Variants in PRKCB observed in about 807,000 individuals in gnomAD.
PRKCB encodes protein kinase C beta, also known as protein kinase C beta type.
A neutral mutation model predicts 81.5 loss-of-function variants in PRKCB; 13 were observed. The ratio of observed to expected loss-of-function variants is 0.16; its 90% CI spans 0.10 to 0.25. The LOEUF is 0.25. PRKCB is among the 10% of genes least tolerant of loss of function. The pLI, the probability that PRKCB is intolerant of heterozygous loss-of-function variation, is 1.00. For missense variants in PRKCB, 509 were observed against 875.7 expected, an observed-to-expected ratio of 0.58 and a Z score of 5.29; for synonymous variants, 335 against 321.4, an observed-to-expected ratio of 1.04 and a Z score of -0.45.
intron 2 of PRKCB, among the ~76,000 whole-genome samples, chr16:23,871,449 C>T (rs1962902711): frequency 6.6e-6 from 1 of 152,122 alleles, no homozygotes; most frequent in Non-Finnish European, 1.5e-5. Context: ...CCCCCTCTGT[C>T]TCTCTTCCCC....
chr16:23,975,874 A>T (rs773474059), intron 2 of PRKCB, among the ~76,000 whole-genome samples: 2 of 152,236 alleles, frequency 1.3e-5, no homozygotes, highest in Non-Finnish European at 2.9e-5. Context: ...AAAAAAAACA[A>T]TTCAAGTTGG....
At chr16:24,132,017 T>G (rs2141936068) in intron 9 of PRKCB, among the ~76,000 whole-genome samples, 1 of 152,356 alleles carries the variant, frequency 6.6e-6, no homozygotes, top group Non-Finnish European at 1.5e-5. Flanking sequence ...TGCGCAACAC[T>G]GCCTGTATCC....
At chr16:23,836,695 C>G (rs1280428968) in intron 1 of PRKCB, among the ~76,000 whole-genome samples, 1 of 151,696 alleles carries the variant, frequency 6.6e-6, no homozygotes, top group African/African-American at 2.4e-5. Context: ...CTCGGGTGCT[C>G]TCCGACCCGG....
At chr16:24,115,258 C>T (rs1289456436) in intron 8 of PRKCB, among the ~76,000 whole-genome samples, 2 of 146,240 alleles carry the variant, frequency 1.4e-5, no homozygotes, top group African/African-American at 2.4e-5. Context: ...GAGTATTTAT[C>T]CCAAGGATTT....
At chr16:24,022,958 T>A (rs931921480) in intron 3 of PRKCB, among the ~76,000 whole-genome samples, 7 of 152,176 alleles carry the variant, frequency 4.6e-5, no homozygotes, top group African/African-American at 1.4e-4. Flanking sequence ...AGGCCAGGGA[T>A]GGGACAGGCT....
chr16:24,065,351 A>T (rs1966020034), intron 5 of PRKCB, among the ~76,000 whole-genome samples: 1 of 151,664 alleles, frequency 6.6e-6, no homozygotes, highest in South Asian at 2.1e-4. Flanking sequence ...CTATTAACTA[A>T]TTAGTCATGT....
At chr16:24,079,005 C>A (rs1469161552) in intron 5 of PRKCB, among the ~76,000 whole-genome samples, 1 of 152,206 alleles carries the variant, frequency 6.6e-6, no homozygotes, top group Non-Finnish European at 1.5e-5. Context: ...ATCATATCCC[C>A]TGTGACCTGC....
At position 24,129,552 on chromosome 16, in the gene PRKCB, T is replaced by C. The variant is rs544630480; in HGVS notation, c.1065+5571T>C. On this transcript the variant is annotated intron_variant, in intron 9 of 16. Transcript: ENST00000643927. ...CTATCTATCTATCTATCTATCCATC[T>C]GTCTATCTAATCTATCATCTATCTA... 1.6e-3 allele frequency among the ~76,000 whole-genome samples: 243 copies of C among 150,912 alleles called. 1 individual carries two copies. The highest frequency in any genetic ancestry group is 5.6e-3 in the African/African-American group (229 of 41,042).
chr16:24,111,474 A>T (rs963162056), intron 7 of PRKCB, among the ~76,000 whole-genome samples: 1 of 151,976 alleles, frequency 6.6e-6, no homozygotes, highest in Non-Finnish European at 1.5e-5. Flanking sequence ...AAACAAACTG[A>T]AGCCCCCATG....
chr16:23,912,029 G>A (rs1185938181), intron 2 of PRKCB, among the ~76,000 whole-genome samples: 1 of 151,152 alleles, frequency 6.6e-6, no homozygotes, highest in Non-Finnish European at 1.5e-5. Context: ...ACGGAGTTTT[G>A]CCATGTTAGC....
rs75636143 is a variant in PRKCB at position 23,957,353 on chromosome 16, A to G, written c.206-31155A>G. On this transcript the variant is annotated intron_variant, in intron 2 of 16. Coordinates refer to ENST00000643927, the MANE Select transcript of PRKCB (RefSeq NM_002738.7). Reference sequence around the variant, plus strand: ...ACATGTAGTAAACTAGTAAATGTGTAGCCCATAAACCTTGTAAGCCCTGGA... The same window carrying G: ...ACATGTAGTAAACTAGTAAATGTGTGGCCCATAAACCTTGTAAGCCCTGGA... Among the ~76,000 whole-genome samples, 608 of 152,350 alleles carry G rather than the reference A, an allele frequency of 4.0e-3. 1 individual carries two copies. Among genetic ancestry groups the G allele is most frequent in the Middle Eastern group, 0.01 (3 of 294 alleles).
At chr16:24,106,496 T>C (rs9928044) in intron 7 of PRKCB, among the ~76,000 whole-genome samples, 29,583 of 152,198 alleles carry the variant, frequency 0.19, 5,418 homozygotes, top group African/African-American at 0.48. Context: ...ATTTGGTACC[T>C]TGCATTTTTC....
chr16:23,960,825 C>G (rs1964415673), intron 2 of PRKCB, among the ~76,000 whole-genome samples: 1 of 152,256 alleles, frequency 6.6e-6, no homozygotes, highest in Non-Finnish European at 1.5e-5. Context: ...GCTGTTTGTA[C>G]TTTAATCATT....
intron 3 of PRKCB, among the ~76,000 whole-genome samples, chr16:24,030,416 A>T (rs1211789460): frequency 1.3e-5 from 2 of 152,018 alleles, no homozygotes; most frequent in East Asian, 3.9e-4. Flanking sequence ...TTAGCTGGGG[A>T]TCACCTTGGC....
intron 2 of PRKCB, among the ~76,000 whole-genome samples, chr16:23,964,439 A>G (rs956343056): frequency 6.6e-6 from 1 of 152,222 alleles, no homozygotes; most frequent in Non-Finnish European, 1.5e-5. Context: ...TGCAAAACCT[A>G]AAATACTCAG....
At position 23,959,117 on chromosome 16, in the gene PRKCB, G is replaced by C. The variant is rs536063681; in HGVS notation, c.206-29391G>C. Among the ~76,000 whole-genome samples the C allele has an allele frequency of 6.3e-4, 96 of 152,224 alleles. No homozygotes were observed. In the Middle Eastern group the frequency reaches 0.02, roughly 32 times the overall value. On this transcript the variant is annotated intron_variant, in intron 2 of 16. Coordinates refer to ENST00000643927, the MANE Select transcript of PRKCB (RefSeq NM_002738.7). ...AGCAGCCGGCTCATTGTAAGTATTGGGAGTATTGGTTAAAATAATTACAAA... is the reference window on the plus strand; with the variant it reads ...AGCAGCCGGCTCATTGTAAGTATTGCGAGTATTGGTTAAAATAATTACAAA...
chr16:24,177,299 G>C (rs1017692770), intron 12 of PRKCB, among the ~76,000 whole-genome samples: 2 of 152,118 alleles, frequency 1.3e-5, no homozygotes, highest in African/African-American at 4.8e-5. Context: ...TAAAAGATTA[G>C]CATTTCAGGT....
chr16:23,966,855 T>C (rs1173753833), intron 2 of PRKCB, among the ~76,000 whole-genome samples: 1 of 151,784 alleles, frequency 6.6e-6, no homozygotes, highest in Non-Finnish European at 1.5e-5. Context: ...CCCCTTGGAG[T>C]TGATGTTGTA....
intron 2 of PRKCB, among the ~76,000 whole-genome samples, chr16:23,851,970 T>C (rs1962479207): frequency 1.3e-5 from 2 of 152,224 alleles, no homozygotes; most frequent in Admixed American, 1.3e-4. Context: ...TGGTTTTGCA[T>C]CCTGCAGTTT....
Sources: gnomAD v4.1 joint callset for allele counts (sites outside exome capture counted in the v4.1 genomes callset) on GRCh38, gnomAD v4.1.1 for gene constraint, MANE v1.5 for transcripts, NCBI Gene and HGNC (gene_info 2026-07-23, HGNC 2026-07-21) for gene names.